The following TRAF7 variants were observed in gnomAD, a reference collection of about 807,000 sequenced individuals.
TRAF7 encodes TNF receptor associated factor 7.
TRAF7 carries 45 observed loss-of-function variants against 89.3 expected under a neutral mutation model. The ratio of observed to expected loss-of-function variants is 0.50; its 90% CI spans 0.40 to 0.65. TRAF7 has a LOEUF of 0.65. TRAF7 is among the 30% of genes least tolerant of loss of function. TRAF7 has a pLI of 0.00. For missense variants in TRAF7, 677 were observed against 918.1 expected, an observed-to-expected ratio of 0.74 and a Z score of 3.39; for synonymous variants, 406 against 369.2, an observed-to-expected ratio of 1.10 and a Z score of -1.14.
intron 1 of TRAF7, among the ~76,000 whole-genome samples, chr16:2,157,611 C>T (rs1192324831): frequency 4.6e-5 from 7 of 152,142 alleles, no homozygotes; most frequent in Admixed American, 4.6e-4. Context: ...CCTGGCACCC[C>T]GTGGTTGGTG....
Position 2,168,005 on chromosome 16 carries a change from C to CAGG in TRAF7, c.140-70_140-69insGAG, listed in dbSNP as rs1308304231. The CAGG allele has an allele frequency of 4.4e-5, 64 of 1,451,154 alleles. 1 individual carries two copies. The South Asian group carries it at 6.7e-4, about 15-fold the overall frequency. 89.9% of individuals were successfully genotyped at this position (1,451,154 alleles called of 1,614,324 possible). ...CAGGGGACCCACAGGGTCGGGTATC[C>CAGG]AGCATGGGCCCCACCTCCCCCACAT... is the stretch of plus-strand genomic sequence containing the variant. On this transcript the variant is annotated intron_variant, in intron 3 of 20. Transcript: ENST00000326181. This position sits in a 1 kb window ranked among gnomAD's most constrained non-coding sequence, Gnocchi z 4.1.
chr16:2,175,926 C>T lies in TRAF7; in HGVS notation c.1719C>T (p.Val573=), dbSNP rs757524987. Reference sequence around the variant, plus strand: ...TTGCTGTGACAAATCACCACATTGTCTGTGGCACCTACGAGAACCTCATCC... The same window carrying T: ...TTGCTGTGACAAATCACCACATTGTTTGTGGCACCTACGAGAACCTCATCC... ...YSIAVTNHHI[V]CGTYENLIHV... Residue 573 remains valine, a synonymous_variant, in exon 18 of 21, where the codon GTC becomes GTT. Coordinates refer to ENST00000326181, the MANE Select transcript of TRAF7 (RefSeq NM_032271.3). 2 of 1,613,448 alleles carry T rather than the reference C, an allele frequency of 1.2e-6. No individual in the cohort carries two copies. Among genetic ancestry groups the T allele is most frequent in the South Asian group, 1.1e-5 (1 of 91,088 alleles).
intron 16 of TRAF7, 40 bp downstream of exon 16, chr16:2,175,457 C>T (rs377700483): frequency 6.5e-5 from 104 of 1,612,116 alleles, no homozygotes; most frequent in Non-Finnish European, 8.0e-5. Flanking sequence ...GTCACTGAGG[C>T]GTCCCTTGCC....
intron 15 of TRAF7, 58 bp from the exon 16 acceptor site, chr16:2,175,243 T>C: frequency 3.1e-6 from 5 of 1,611,650 alleles, no homozygotes; most frequent in Non-Finnish European, 4.2e-6. Context: ...CCGTCTGGGC[T>C]CCAGACTCCA....
chr16:2,174,145 G>A (rs2093125589), intron 13 of TRAF7, 97 bp downstream of exon 13: 3 of 1,599,260 alleles, frequency 1.9e-6, no homozygotes, highest in Middle Eastern at 1.7e-4. Context: ...GACCTTCTGG[G>A]CAGGGCCCTC....
intron 1 of TRAF7, among the ~76,000 whole-genome samples, chr16:2,160,677 T>C (rs912104117): frequency 5.3e-5 from 8 of 152,034 alleles, no homozygotes; most frequent in Admixed American, 2.0e-4. Context: ...CTTTTCCCGG[T>C]TTGGGAAGAG....
At chr16:2,160,085 G>A (rs942308974) in intron 1 of TRAF7, among the ~76,000 whole-genome samples, 1 of 152,178 alleles carries the variant, frequency 6.6e-6, no homozygotes, top group Non-Finnish European at 1.5e-5. Context: ...TGGAGGCAGC[G>A]AGGCGCTGAG....
chr16:2,156,531 G>T (rs146308890), intron 1 of TRAF7, among the ~76,000 whole-genome samples: 9 of 152,234 alleles, frequency 5.9e-5, no homozygotes, highest in Non-Finnish European at 8.8e-5. Context: ...ACTGGCCGGG[G>T]GTAGGGGCGG....
Position 2,168,500 on chromosome 16 carries a change from A to C in TRAF7, c.231+332A>C. ...TCAGGAGGATAGCACAATAAAATAC[A>C]TGCTTTGAAAGCTTCCTTTGCTGCT... On this transcript the variant is annotated intron_variant, in intron 4 of 20. Coordinates refer to ENST00000326181, the MANE Select transcript of TRAF7 (RefSeq NM_032271.3). The surrounding 1 kb of genome is among the most constrained non-coding windows in gnomAD (Gnocchi z 4.1). The C allele has an allele frequency of 2.5e-5, 6 of 244,680 alleles. No individual in the cohort carries two copies. Among genetic ancestry groups the C allele is most frequent in the East Asian group, 2.2e-4 (2 of 9,244 alleles). 15.2% of individuals were successfully genotyped at this position (244,680 alleles called of 1,614,324 possible). A position where few individuals can be genotyped will look rare whatever the true frequency, so the allele number is the denominator to read the frequency against.
At chr16:2,172,077 G>C (rs1356815978) in intron 7 of TRAF7, 114 bp from the exon 8 acceptor site, 2 of 1,289,064 alleles carry the variant, frequency 1.6e-6, no homozygotes, top group Middle Eastern at 2.0e-4. Context: ...CCCATGTTGC[G>C]TGCCTCAGAG....
chr16:2,172,131 C>A, intron 7 of TRAF7, 60 bp from the exon 8 acceptor site: 1 of 1,600,788 alleles, frequency 6.2e-7, no homozygotes. Flanking sequence ...CTCATGCCCA[C>A]CCGGGTGAGG....
intron 1 of TRAF7, among the ~76,000 whole-genome samples, chr16:2,156,590 A>T (rs258282): frequency 6.6e-6 from 1 of 151,820 alleles, no homozygotes; most frequent in South Asian, 2.1e-4. Flanking sequence ...GTCCCAGGAC[A>T]TGCAGGAGGA....
At chr16:2,172,407 C>G in intron 8 of TRAF7, 33 bp downstream of exon 8, 1 of 1,611,090 alleles carries the variant, frequency 6.2e-7, no homozygotes, top group South Asian at 1.1e-5. Flanking sequence ...CTCTGCCTCC[C>G]TGGGGGCTGC....
At position 2,160,155 on chromosome 16, in the gene TRAF7, C is replaced by T. The variant is rs75399058; in HGVS notation, c.-38-3728C>T. Reference sequence around the variant, plus strand: ...CCCCAGGGCCCCGGAATCCCTCCTACGTGAATGTGGGGTGGACAAAGACCC... The same window carrying T: ...CCCCAGGGCCCCGGAATCCCTCCTATGTGAATGTGGGGTGGACAAAGACCC... On this transcript the variant is annotated intron_variant, in intron 1 of 20. Coordinates refer to ENST00000326181, the MANE Select transcript of TRAF7 (RefSeq NM_032271.3). Among the ~76,000 whole-genome samples, 1,322 of 152,134 alleles carry T rather than the reference C, an allele frequency of 8.7e-3. 13 individuals carry two copies. The highest frequency in any genetic ancestry group is 0.03 in the African/African-American group (1,244 of 41,530).
intron 2 of TRAF7, among the ~76,000 whole-genome samples, chr16:2,165,439 T>G (rs868580555): frequency 0.06 from 1,917 of 31,944 alleles, no homozygotes; most frequent in Middle Eastern, 0.14. Flanking sequence ...TTAAGCGTGT[T>G]AGTGCTGCGT....
At chr16:2,174,139 T>A in intron 13 of TRAF7, 91 bp downstream of exon 13, 1 of 1,600,698 alleles carries the variant, frequency 6.2e-7, no homozygotes, top group South Asian at 1.1e-5. Context: ...GGGTGGGACC[T>A]TCTGGGCAGG....
At chr16:2,170,878 T>A in intron 5 of TRAF7, 148 bp downstream of exon 5, 1 of 777,718 alleles carries the variant, frequency 1.3e-6, no homozygotes, top group Non-Finnish European at 2.1e-6. Flanking sequence ...TGCTGGTCCG[T>A]GGTGGGGACT....
chr16:2,173,857 G>GCGGGGGCGCCCCCCC, intron 12 of TRAF7, 21 bp downstream of exon 12: 5 of 1,607,488 alleles, frequency 3.1e-6, no homozygotes, highest in African/African-American at 1.3e-5. Context: ...ACCCGCCGTG[G>GCGGGGGCGCCCCCCC]CTCCCGCCCA....
Position 2,170,728 on chromosome 16 carries a change from C to T in TRAF7, c.346C>T (p.Pro116Ser). The change falls in exon 5 of 21, where the codon CCG (proline) becomes TCG (serine). Residue 116 changes from proline to serine, a missense_variant and splice_region_variant. Physicochemically the swap from Pro to Ser is moderately conservative, Grantham distance 74. This residue lies in a region of TRAF7 where 240 missense variants were observed against 191.9 expected (regional missense o/e 1.25). Transcript: ENST00000326181. ...TFSLPEEEEE[P>S]EPLVFAEQPS... ...CTCACTGCCCGAGGAGGAGGAGGAG[C>T]CGGTAGGTGTGGGGGACTCGGCGCA... The T allele has an allele frequency of 4.4e-6, 7 of 1,597,060 alleles. No individual in the cohort carries two copies. Among genetic ancestry groups the T allele is most frequent in the Non-Finnish European group, 6.0e-6 (7 of 1,172,296 alleles).
Sources: allele counts gnomAD v4.1 joint callset (sites outside exome capture counted in the v4.1 genomes callset), GRCh38; gene constraint gnomAD v4.1.1; regional missense constraint gnomAD v4.1.1; non-coding constraint Gnocchi (gnomAD v3.1); transcripts MANE v1.5; gene names NCBI Gene and HGNC (gene_info 2026-07-23, HGNC 2026-07-21).